Variants in COL4A4 observed in about 807,000 individuals in gnomAD.
COL4A4 encodes collagen alpha-4(IV) chain.
Under a neutral mutation model 192.9 loss-of-function variants are expected in COL4A4, and 105 were observed. That is an observed-to-expected ratio of 0.54 (90% CI 0.46 to 0.64). The LOEUF (loss-of-function observed/expected upper bound fraction) is 0.64. COL4A4 is among the 30% of genes least tolerant of loss of function. COL4A4 has a pLI of 0.00. For missense variants in COL4A4, 1,967 were observed against 2,169.3 expected (o/e 0.91, Z 1.85); for synonymous variants, 762 against 769.9 (o/e 0.99, Z 0.17).
chr2:227,015,487 G>C (rs1010537007), intron 44 of COL4A4, among the ~76,000 whole-genome samples: 1 of 152,080 alleles, frequency 6.6e-6, no homozygotes, highest in Non-Finnish European at 1.5e-5. Context: ...CATGAAGCTC[G>C]AGAACCAAAG....
intron 20 of COL4A4, 45 bp downstream of exon 20, chr2:227,094,080 A>C: frequency 1.3e-6 from 2 of 1,561,706 alleles, no homozygotes; most frequent in South Asian, 2.3e-5. Context: ...TGCAAATATC[A>C]AAAGCAGCAT....
intron 3 of COL4A4, among the ~76,000 whole-genome samples, chr2:227,144,271 A>T (rs1210487237): frequency 2.6e-5 from 4 of 152,264 alleles, no homozygotes; most frequent in Non-Finnish European, 5.9e-5. Context: ...GTCTCCAAAA[A>T]AAAACTTTTA....
intron 25 of COL4A4, among the ~76,000 whole-genome samples, chr2:227,066,799 C>T (rs1476228442): frequency 6.6e-6 from 1 of 151,892 alleles, no homozygotes; most frequent in Non-Finnish European, 1.5e-5. Context: ...TAGGAAGAAA[C>T]TGCATCAACT....
At chr2:227,022,620 G>A (rs371893519) in intron 43 of COL4A4, 7 of 510,428 alleles carry the variant, frequency 1.4e-5, no homozygotes, top group East Asian at 1.1e-4. Flanking sequence ...CTGCAGCCAC[G>A]TGGGTTTCCA....
At chr2:227,055,921 C>T (rs1020309678) in intron 30 of COL4A4, 24 bp downstream of exon 30, 12 of 1,604,920 alleles carry the variant, frequency 7.5e-6, no homozygotes, top group Non-Finnish European at 6.0e-6. Flanking sequence ...GATGGGAGGA[C>T]ATCATGGAAA....
chr2:227,109,551 A>G, intron 9 of COL4A4: 2 of 604,400 alleles, frequency 3.3e-6, no homozygotes, highest in Non-Finnish European at 6.1e-6. Context: ...GATCGAGACC[A>G]TCCTGGCCAA....
rs1961521722 is a variant in COL4A4 at position 227,003,887 on chromosome 2, A to T, written c.*3438T>A. 1 of 152,256 alleles carries T rather than the reference A, an allele frequency of 6.6e-6. No individual in the cohort carries two copies. 9.4% of individuals were successfully genotyped at this position (152,256 alleles called of 1,614,324 possible). On this transcript the variant is annotated 3_prime_UTR_variant, in exon 48 of 48. Coordinates refer to ENST00000396625, the MANE Select transcript of COL4A4 (RefSeq NM_000092.5). ...GATAAGCCCATTTTGAAAGCTTATCAATTGGCTTTCTGGCAATAATTGTAA... is the reference window on the plus strand; with the variant it reads ...GATAAGCCCATTTTGAAAGCTTATCTATTGGCTTTCTGGCAATAATTGTAA...
At chr2:227,092,254 C>G (rs1332704769) in intron 20 of COL4A4, among the ~76,000 whole-genome samples, 1 of 152,142 alleles carries the variant, frequency 6.6e-6, no homozygotes, top group African/African-American at 2.4e-5. Flanking sequence ...AACTAGAAAT[C>G]AAAGTCCACA....
chr2:227,108,531 C>G (rs373302311), intron 12 of COL4A4, 50 bp downstream of exon 12: 1 of 1,556,134 alleles, frequency 6.4e-7, no homozygotes, highest in Admixed American at 1.7e-5. Context: ...CACCCCTGAG[C>G]AGCACACACA....
intron 22 of COL4A4, 107 bp from the exon 23 acceptor site, chr2:227,082,294 G>T: frequency 9.4e-7 from 1 of 1,069,362 alleles, no homozygotes; most frequent in Non-Finnish European, 1.4e-6. Context: ...TCTTGTTAAA[G>T]ATTCTAGCTT....
At chr2:227,091,470 T>TAA (rs2059928734) in intron 20 of COL4A4, among the ~76,000 whole-genome samples, 1 of 144,132 alleles carries the variant, frequency 6.9e-6, no homozygotes, top group African/African-American at 2.6e-5. Flanking sequence ...GACAGATAGA[T>TAA]AGAGTACAGA....
chr2:226,974,339 G>A, the COL4A4 span, among the ~76,000 whole-genome samples: 5 of 151,890 alleles, frequency 3.3e-5, no homozygotes, highest in Admixed American at 6.6e-5. Context: ...CTGGGTTCAC[G>A]CCATTCTTCT....
chr2:227,012,200 G>T lies in COL4A4; in HGVS notation c.4314C>A (p.Asp1438Glu), dbSNP rs373331310. The T allele has an allele frequency of 6.2e-7, 1 of 1,613,592 alleles. No individual in the cohort carries two copies. The highest frequency in any genetic ancestry group is 1.3e-5 in the African/African-American group (1 of 74,898). The change falls in exon 45 of 48, where the codon GAC becomes GAA. Residue 1438 changes from aspartate to glutamate, a missense_variant. By Grantham distance (45) the Asp-to-Glu change is conservative (BLOSUM62 2). Transcript: ENST00000396625. ...PPGRKGDTGE[D>E]GYPGGPGPPG... ...CTCTACCTGGTCCTCCAGGGTAGCC[G>T]TCTTCTCCTGTGTCACCTTTACGTC...
chr2:227,153,986 TCCA>T (rs2064143992), intron 1 of COL4A4, among the ~76,000 whole-genome samples: 1 of 151,992 alleles, frequency 6.6e-6, no homozygotes, highest in Admixed American at 6.6e-5. Flanking sequence ...GGTCCAAAGC[TCCA>T]CCACCACAAG....
At chr2:226,995,157 T>G in the COL4A4 span, among the ~76,000 whole-genome samples, 2 of 151,856 alleles carry the variant, frequency 1.3e-5, no homozygotes, top group Non-Finnish European at 2.9e-5. Context: ...ATGCAAATTA[T>G]GGAGCACGAT....
intron 1 of COL4A4, among the ~76,000 whole-genome samples, chr2:227,162,829 A>G (rs2064955270): frequency 1.3e-5 from 2 of 152,234 alleles, no homozygotes; most frequent in African/African-American, 4.8e-5. Context: ...CAAAGATTCT[A>G]ATGCACAACG....
At chr2:227,087,903 CTT>C (rs994219259) in intron 22 of COL4A4, among the ~76,000 whole-genome samples, 1 of 152,204 alleles carries the variant, frequency 6.6e-6, no homozygotes, top group Admixed American at 6.5e-5. Flanking sequence ...CCCTCTCTCT[CTT>C]CTCTCCAGCT....
chr2:226,973,150 A>G, the COL4A4 span, among the ~76,000 whole-genome samples: 1 of 151,984 alleles, frequency 6.6e-6, no homozygotes, highest in African/African-American at 2.4e-5. Context: ...TCCTTTTTGC[A>G]GTGTGTATGT....
At chr2:227,141,741 C>T (rs1301876331) in intron 3 of COL4A4, among the ~76,000 whole-genome samples, 1 of 151,914 alleles carries the variant, frequency 6.6e-6, no homozygotes, top group Non-Finnish European at 1.5e-5. Context: ...GAAATATATG[C>T]CTCTTGAGTT....
Sources: gnomAD v4.1 joint callset for allele counts (sites outside exome capture counted in the v4.1 genomes callset) on GRCh38, gnomAD v4.1.1 for gene constraint, MANE v1.5 for transcripts, NCBI Gene and HGNC (gene_info 2026-07-23, HGNC 2026-07-21) for gene names.